The following TCF20 variants were observed in gnomAD, a reference collection of about 807,000 sequenced individuals.
TCF20 encodes SPRE-binding protein.
In TCF20, 3 loss-of-function variants were observed where a neutral mutation model predicts 148.6. The ratio of observed to expected loss-of-function variants is 0.02; its 90% confidence interval spans 0.01 to 0.05. TCF20 has a LOEUF of 0.05. Ranked by LOEUF, TCF20 falls within the 10% of genes least tolerant of loss-of-function variation. TCF20 has a pLI of 1.00. For synonymous variants in TCF20, 1,049 were observed against 909.5 expected (o/e 1.15, Z -2.76); for missense variants, 2,350 against 2,429.3 (o/e 0.97, Z 0.69).
chr22:42,194,557 G>A (rs1460755438), intron 2 of TCF20, among the ~76,000 whole-genome samples: 9 of 151,888 alleles, frequency 5.9e-5, no homozygotes, highest in Admixed American at 3.9e-4. Context: ...CACAGTGAGA[G>A]GGCTAAATAC....
At chr22:42,342,521 T>C (rs1331530205) in intron 1 of TCF20, among the ~76,000 whole-genome samples, 1 of 152,044 alleles carries the variant, frequency 6.6e-6, no homozygotes, top group Non-Finnish European at 1.5e-5. Flanking sequence ...CTCCTGGAGG[T>C]AGTTCATCTC....
chr22:42,247,064 G>A (rs1924977714), intron 1 of TCF20, among the ~76,000 whole-genome samples: 1 of 150,784 alleles, frequency 6.6e-6, no homozygotes, highest in Admixed American at 6.7e-5. Context: ...ACGTCATGAA[G>A]GAAACATCCA....
chr22:42,261,694 G>T (rs537311135), intron 1 of TCF20, among the ~76,000 whole-genome samples: 20 of 152,240 alleles, frequency 1.3e-4, no homozygotes, highest in African/African-American at 4.8e-4. Flanking sequence ...TATGGATACA[G>T]GAAACAGTAT....
At chr22:42,247,276 C>G (rs1366242165) in intron 1 of TCF20, among the ~76,000 whole-genome samples, 2 of 151,628 alleles carry the variant, frequency 1.3e-5, no homozygotes, top group African/African-American at 4.8e-5. Flanking sequence ...CCCATCTCTA[C>G]TAAAAATATA....
chr22:42,309,174 A>G lies in TCF20; in HGVS notation c.-37+34305T>C, dbSNP rs187574921. Among the ~76,000 whole-genome samples, 276 of 152,202 alleles carry G rather than the reference A, an allele frequency of 1.8e-3. 8 individuals are homozygous for G. In the East Asian group the frequency reaches 0.04, roughly 22 times the overall value. ...GGAGACAGATAAGAGCGGAGCCGGC[A>G]ACCCCTGCGGGACAGTCACTGGGCT... On this transcript the variant is annotated intron_variant, in intron 1 of 1. Coordinates refer to the TCF20 transcript ENST00000515426.
At chr22:42,172,483 G>A (rs1936190973) in intron 3 of TCF20, among the ~76,000 whole-genome samples, 1 of 152,348 alleles carries the variant, frequency 6.6e-6, no homozygotes, top group South Asian at 2.1e-4. Flanking sequence ...AAAGTAAACA[G>A]CTTGCGAGAT....
chr22:42,322,800 G>A (rs1293408006), intron 1 of TCF20, among the ~76,000 whole-genome samples: 1 of 151,084 alleles, frequency 6.6e-6, no homozygotes, highest in Non-Finnish European at 1.5e-5. Context: ...ATGAATGAGT[G>A]CCTGAGTAAA....
intron 1 of TCF20, among the ~76,000 whole-genome samples, chr22:42,265,807 A>C (rs1348807448): frequency 6.6e-6 from 1 of 152,220 alleles, no homozygotes; most frequent in Non-Finnish European, 1.5e-5. Context: ...AGTGCATTGT[A>C]AACTAGTCAG....
intron 3 of TCF20, 74 bp downstream of exon 3, chr22:42,179,533 ACG>A: frequency 9.7e-7 from 1 of 1,030,324 alleles, no homozygotes; most frequent in East Asian, 2.7e-5. Context: ...AAAAAAAACA[ACG>A]ACAACAGAGA....
At chr22:42,340,044 A>G (rs1294714970) in intron 1 of TCF20, among the ~76,000 whole-genome samples, 1 of 152,154 alleles carries the variant, frequency 6.6e-6, no homozygotes, top group Admixed American at 6.5e-5. Flanking sequence ...AACCCCAGTG[A>G]CTAGCTGGGC....
At chr22:42,304,078 C>T (rs1927389672) in intron 1 of TCF20, among the ~76,000 whole-genome samples, 1 of 152,060 alleles carries the variant, frequency 6.6e-6, no homozygotes, top group African/African-American at 2.4e-5. Flanking sequence ...CCAAAGGTAG[C>T]GTCCTTTGAG....
At chr22:42,294,400 A>G (rs750479793) in intron 1 of TCF20, among the ~76,000 whole-genome samples, 21 of 152,180 alleles carry the variant, frequency 1.4e-4, no homozygotes, top group Non-Finnish European at 2.6e-4. Flanking sequence ...TAATTACCAG[A>G]CTGTGCTGAA....
intron 2 of TCF20, among the ~76,000 whole-genome samples, chr22:42,204,073 A>G (rs939651011): frequency 6.6e-6 from 1 of 152,202 alleles, no homozygotes; most frequent in African/African-American, 2.4e-5. Flanking sequence ...TTCATAATGT[A>G]ATCAATCTAT....
chr22:42,254,058 A>G (rs2147356471), intron 1 of TCF20, among the ~76,000 whole-genome samples: 1 of 151,038 alleles, frequency 6.6e-6, no homozygotes, highest in African/African-American at 2.4e-5. Flanking sequence ...CCTGGGCAAC[A>G]AGAGCAAAAC....
intron 5 of TCF20, among the ~76,000 whole-genome samples, chr22:42,166,535 A>C (rs543353284): frequency 1.4e-4 from 21 of 151,642 alleles, no homozygotes; most frequent in African/African-American, 4.8e-4. Flanking sequence ...CCTGAACCCC[A>C]GAGATGGAGG....
intron 1 of TCF20, among the ~76,000 whole-genome samples, chr22:42,312,836 G>A (rs1037599779): frequency 2.0e-5 from 3 of 152,118 alleles, no homozygotes; most frequent in African/African-American, 7.2e-5. Flanking sequence ...ACAGGTGAAA[G>A]CATGGGGCCC....
chr22:42,336,054 T>C (rs1928061954), intron 1 of TCF20, among the ~76,000 whole-genome samples: 1 of 152,192 alleles, frequency 6.6e-6, no homozygotes, highest in Non-Finnish European at 1.5e-5. Flanking sequence ...CCCATTAGCG[T>C]GGCCTCCTCC....
intron 2 of TCF20, among the ~76,000 whole-genome samples, chr22:42,205,713 T>C (rs535095156): frequency 1.3e-5 from 2 of 152,372 alleles, no homozygotes; most frequent in East Asian, 3.9e-4. Flanking sequence ...AAATAAAAGC[T>C]AGAAACGGAT....
intron 3 of TCF20, among the ~76,000 whole-genome samples, chr22:42,179,394 T>C (rs1453392069): frequency 6.9e-6 from 1 of 144,908 alleles, no homozygotes; most frequent in Non-Finnish European, 1.5e-5. Flanking sequence ...ATCATAAAAA[T>C]TTAAAAAAGA....
Sources: gnomAD v4.1 joint callset for allele counts (sites outside exome capture counted in the v4.1 genomes callset) on GRCh38, gnomAD v4.1.1 for gene constraint, MANE v1.5 for transcripts, NCBI Gene and HGNC (gene_info 2026-07-23, HGNC 2026-07-21) for gene names.